The following HHATL variants were observed in gnomAD, a reference collection of about 807,000 sequenced individuals.
The protein encoded by HHATL is protein-cysteine N-palmitoyltransferase HHAT-like protein.
A neutral mutation model predicts 59.7 loss-of-function variants in HHATL; 49 were observed. That is an observed-to-expected ratio of 0.82 (90% CI 0.65 to 1.04). The LOEUF (loss-of-function observed/expected upper bound fraction) is 1.04, where lower values mean the gene tolerates loss of function less well. Ranked by LOEUF, HHATL falls within the 50% of genes least tolerant of loss-of-function variation. The pLI, the probability that HHATL is intolerant of heterozygous loss-of-function variation, is 0.00. For missense variants in HHATL, 605 were observed against 650.8 expected (o/e 0.93, Z 0.77); for synonymous variants, 238 against 257.3 (o/e 0.93, Z 0.72).
At chr3:42,702,152 A>T (rs1169202163) in intron 1 of HHATL, among the ~76,000 whole-genome samples, 2 of 152,208 alleles carry the variant, frequency 1.3e-5, no homozygotes, top group Non-Finnish European at 2.9e-5. Flanking sequence ...TGCCAGCCTG[A>T]TGGCTGTGCT....
Position 42,692,689 on chromosome 3 carries a change from CG to C in HHATL, c.*61del, listed in dbSNP as rs1697398789. 32 of 1,609,540 alleles carry C rather than the reference CG, an allele frequency of 2.0e-5. No individual in the cohort carries two copies. The South Asian group carries it at 3.5e-4, about 18-fold the overall frequency. ...GTTGTAGAAAAGTCTTTTATTCTAT[CG>C]GTCAGGCCCCATCTGGCCCAAGAAT... On this transcript the variant is annotated 3_prime_UTR_variant, in exon 12 of 12. Transcript: ENST00000441594.
In HHATL at chr3:42,699,131, G is replaced by C; in HGVS notation, c.189C>G (p.Phe63Leu). ...AGGAGGTGAACCACATCACCCACTC[G>C]AAGTCAGCCACATCCTGGGGCAGTC... ...YIGRKMDVAD[F>L]EWVMWFTSFR... is the part of the protein sequence containing the mutation. Residue 63 changes from phenylalanine (F) to leucine (L), a missense_variant, in exon 4 of 12, where the codon TTC becomes TTG. Physicochemically the swap from Phe to Leu is conservative, Grantham distance 22. Transcript: ENST00000441594. The C allele has an allele frequency of 5.0e-6, 8 of 1,613,888 alleles. No individual in the cohort carries two copies. Among genetic ancestry groups the C allele is most frequent in the Non-Finnish European group, 6.8e-6 (8 of 1,179,814 alleles).
chr3:42,693,562 G>GC (rs150364023), intron 10 of HHATL, 55 bp downstream of exon 10: 49,883 of 1,456,590 alleles, frequency 0.034, 1,219 homozygotes, highest in African/African-American at 0.11. Context: ...AAGCAGCAGT[G>GC]CCCCCCCGCC....
In HHATL at chr3:42,701,529, A is replaced by G. The variant is rs1697987964; in HGVS notation, c.-13-690T>C. The G allele has an allele frequency of 6.6e-6, 1 of 152,398 alleles. No homozygotes were observed. The highest frequency in any genetic ancestry group is 2.4e-5 in the African/African-American group (1 of 41,458). The allele number at this position is 152,398 out of a possible 1,614,324, so 9.4% of individuals were successfully genotyped here. On this transcript the variant is annotated intron_variant, in intron 1 of 11. Transcript: ENST00000441594. This position sits in a 1 kb window ranked among gnomAD's most constrained non-coding sequence, Gnocchi z 5.1. ...TCTGTGTATTCAGGCCCTGGGCACC[A>G]GCTGGAGGCTGTGCTATTTGAGGAG...
rs1697655853 is a variant in HHATL, at chr3:42,697,074, C to A, written c.937G>T (p.Val313Leu). ...GGGTCCAGGTGGTCGAGGCATGCCACAGTGTTGACAACACCAAAGAGGACG... is the reference window on the plus strand; with the variant it reads ...GGGTCCAGGTGGTCGAGGCATGCCAAAGTGTTGACAACACCAAAGAGGACG... ...AAVLFGVVNT[V>L]ACLDHLDPPQ... Residue 313 changes from valine (V) to leucine (L), a missense_variant, in exon 8 of 12, where the codon GTG (valine) becomes TTG (leucine). Coordinates refer to ENST00000441594, the MANE Select transcript of HHATL (RefSeq NM_020707.4). 2 of 1,582,754 alleles carry A rather than the reference C, an allele frequency of 1.3e-6. No individual in the cohort carries two copies. Among genetic ancestry groups the A allele is most frequent in the African/African-American group, 2.7e-5 (2 of 74,322 alleles).
At position 42,696,915 on chromosome 3, in the gene HHATL, C is replaced by T. The variant is rs370649007; in HGVS notation, c.1011-38G>A. 66 of 1,614,100 alleles carry T rather than the reference C, an allele frequency of 4.1e-5. 1 individual carries two copies. Among genetic ancestry groups the T allele is most frequent in the South Asian group, 3.7e-4 (34 of 91,064 alleles). On this transcript the variant is annotated intron_variant, in intron 8 of 11. Transcript: ENST00000441594. ...AGCAGATGGGCATGTTGCCATCAGG[C>T]GCAGAGCTCCCCAGGCATGGGGGAA...
chr3:42,697,458 T>C (rs1456439180), intron 7 of HHATL, 50 bp downstream of exon 7: 4 of 1,575,416 alleles, frequency 2.5e-6, no homozygotes, highest in African/African-American at 2.7e-5. Context: ...GCAGAGGGTC[T>C]GTTTTCCTGG....
At chr3:42,694,856 T>C (rs1027648785) in intron 9 of HHATL, among the ~76,000 whole-genome samples, 1 of 152,220 alleles carries the variant, frequency 6.6e-6, no homozygotes, top group African/African-American at 2.4e-5. Context: ...TCTATCCCAT[T>C]GCAATTTTAT....
intron 1 of HHATL, among the ~76,000 whole-genome samples, chr3:42,702,020 G>T (rs146173123): frequency 7.6e-4 from 116 of 152,350 alleles, no homozygotes; most frequent in African/African-American, 2.7e-3. Flanking sequence ...ACCTGTCAAG[G>T]TCACATGGCA....
At chr3:42,699,877 A>G in intron 2 of HHATL, 52 bp from the exon 3 acceptor site, 1 of 1,468,000 alleles carries the variant, frequency 6.8e-7, no homozygotes, top group South Asian at 1.2e-5. Context: ...CCCCTGCCCC[A>G]CCTTCCCCCG....
chr3:42,700,873 C>A, intron 1 of HHATL, 34 bp from the exon 2 acceptor site: 1 of 1,480,020 alleles, frequency 6.8e-7, no homozygotes, highest in East Asian at 2.3e-5. Flanking sequence ...GAATTACAGT[C>A]TCCAGCCAAG....
chr3:42,698,148 A>G lies in HHATL; in HGVS notation c.687T>C (p.His229=), dbSNP rs201443096. 1.9e-6 allele frequency: 3 copies of G among 1,614,120 alleles called. No homozygotes were observed. Among genetic ancestry groups the G allele is most frequent in the Admixed American group, 3.3e-5 (2 of 60,028 alleles). Residue 229 remains histidine, a synonymous_variant, in exon 6 of 12, where the codon CAT becomes CAC. Transcript: ENST00000441594. ...CCACAGGGTGTCCCCTCACCTGAGC[A>G]TGGAAGCGATCAAAGGTCATGATGG... is the stretch of plus-strand genomic sequence containing the variant. ...FGPIMTFDRF[H]AQVSQVEPVR...
Position 42,692,880 on chromosome 3 carries a change from G to T in HHATL, c.1391-5C>A. The T allele has an allele frequency of 6.2e-7, 1 of 1,613,890 alleles. No individual in the cohort carries two copies. Among genetic ancestry groups the T allele is most frequent in the Non-Finnish European group, 8.5e-7 (1 of 1,179,784 alleles). ...ACAGCGTGGTCTGGGGGAACCCTGT[G>T]TGGGGAGGGAGTCATAGATGCTCAG... On this transcript the variant is annotated splice_region_variant and splice_polypyrimidine_tract_variant and intron_variant, in intron 11 of 11. Coordinates refer to ENST00000441594, the MANE Select transcript of HHATL (RefSeq NM_020707.4).
intron 9 of HHATL, among the ~76,000 whole-genome samples, chr3:42,695,754 T>C (rs339695): frequency 0.67 from 102,444 of 152,018 alleles, 35,480 homozygotes; most frequent in East Asian, 0.89. Flanking sequence ...ATTAACCTGC[T>C]TTCCTCTGCA....
chr3:42,695,418 G>A (rs1371628858), intron 9 of HHATL, among the ~76,000 whole-genome samples: 1 of 152,170 alleles, frequency 6.6e-6, no homozygotes, highest in Non-Finnish European at 1.5e-5. Context: ...GCTACACCCA[G>A]GCAGCTAAGC....
intron 10 of HHATL, 65 bp from the exon 11 acceptor site, chr3:42,693,283 C>A: frequency 6.3e-7 from 1 of 1,585,300 alleles, no homozygotes; most frequent in South Asian, 1.1e-5. Flanking sequence ...CATGGTGGGT[C>A]AGCAGCCTTA....
At chr3:42,697,438 C>T in intron 7 of HHATL, 70 bp downstream of exon 7, 2 of 1,530,224 alleles carry the variant, frequency 1.3e-6, no homozygotes, top group Non-Finnish European at 1.8e-6. Context: ...GACTGTGGCA[C>T]CGTGGGGGTG....
At chr3:42,692,966 C>T in intron 11 of HHATL, 91 bp from the exon 12 acceptor site, 1 of 1,583,622 alleles carries the variant, frequency 6.3e-7, no homozygotes, top group Non-Finnish European at 8.7e-7. Context: ...TTGATGGGCC[C>T]TCCCTTCTGA....
intron 9 of HHATL, among the ~76,000 whole-genome samples, chr3:42,694,589 G>A (rs1024108224): frequency 1.3e-4 from 20 of 152,208 alleles, no homozygotes; most frequent in African/African-American, 4.6e-4. Context: ...AAGATCCCAA[G>A]TGGTCTGGTT....
Sources: gnomAD v4.1 joint callset for allele counts (sites outside exome capture counted in the v4.1 genomes callset) on GRCh38, gnomAD v4.1.1 for gene constraint, Gnocchi (gnomAD v3.1) non-coding constraint, MANE v1.5 for transcripts, NCBI Gene and HGNC (gene_info 2026-07-23, HGNC 2026-07-21) for gene names.